OXCT1: variants seen among roughly 807,000 people sequenced by gnomAD.
The protein encoded by OXCT1 is 3-oxoacid CoA-transferase 1, also known as succinyl-CoA:3-ketoacid coenzyme A transferase 1, mitochondrial.
OXCT1 carries 27 observed loss-of-function variants against 69.6 expected under a neutral mutation model. The observed-to-expected ratio is 0.39, with a 90% CI of 0.29 to 0.54. OXCT1 has a LOEUF of 0.54. Ranked by LOEUF, OXCT1 falls within the 20% of genes least tolerant of loss-of-function variation. The probability of loss-of-function intolerance (pLI) is 0.72; values close to 1 mark genes in which losing one functional copy is unlikely to be tolerated. For synonymous variants in OXCT1, 202 were observed against 217.8 expected, an observed-to-expected ratio of 0.93 and a Z score of 0.64; for missense variants, 437 against 650.2, an observed-to-expected ratio of 0.67 and a Z score of 3.57.
At chr5:41,863,450 C>T (rs1307909825) in intron 1 of OXCT1, among the ~76,000 whole-genome samples, 2 of 152,220 alleles carry the variant, frequency 1.3e-5, no homozygotes, top group East Asian at 3.9e-4. Flanking sequence ...CAACATCTCA[C>T]CAACCCCTCA....
chr5:41,835,597 C>A (rs1748318870), intron 7 of OXCT1, among the ~76,000 whole-genome samples: 1 of 152,198 alleles, frequency 6.6e-6, no homozygotes, highest in East Asian at 1.9e-4. Context: ...AATTCTTTTA[C>A]AGGCAAACAT....
At chr5:41,854,524 A>G (rs1749336901) in intron 3 of OXCT1, among the ~76,000 whole-genome samples, 2 of 152,160 alleles carry the variant, frequency 1.3e-5, no homozygotes, top group South Asian at 4.1e-4. Flanking sequence ...ATTTTAACCA[A>G]CTAGAGAAAT....
chr5:41,759,090 GAA>G (rs71608623), intron 14 of OXCT1, among the ~76,000 whole-genome samples: 3 of 117,548 alleles, frequency 2.6e-5, no homozygotes, highest in African/African-American at 3.1e-5. Flanking sequence ...CAGGGAAAAT[GAA>G]AAAAAAAAAA....
At chr5:41,733,047 C>A (rs879497824) in intron 16 of OXCT1, among the ~76,000 whole-genome samples, 1 of 152,002 alleles carries the variant, frequency 6.6e-6, no homozygotes, top group Non-Finnish European at 1.5e-5. Flanking sequence ...TAAATGAGAA[C>A]GCATTATGAC....
intron 11 of OXCT1, among the ~76,000 whole-genome samples, chr5:41,798,985 A>T (rs1746304819): frequency 6.6e-6 from 1 of 152,216 alleles, no homozygotes; most frequent in Non-Finnish European, 1.5e-5. Context: ...TTTGTATAAC[A>T]AGGTTTCATT....
At position 41,842,752 on chromosome 5, in the gene OXCT1, A is replaced by T. The variant is rs778477146; in HGVS notation, c.594T>A (p.Ile198=). The T allele has an allele frequency of 1.2e-6, 2 of 1,613,572 alleles. No individual in the cohort carries two copies. Among genetic ancestry groups the T allele is most frequent in the Non-Finnish European group, 1.7e-6 (2 of 1,179,560 alleles). ...AATCCCCTGTAATTGCTTCCTCCAA[A>T]ATAAAGTGCTGACCATTGAACTCCC... is the stretch of plus-strand genomic sequence containing the variant. ...EVREFNGQHF[I]LEEAITGDFA... Residue 198 remains isoleucine (I), a synonymous_variant, in exon 6 of 17, where the codon ATT becomes ATA. Transcript: ENST00000196371.
chr5:41,821,458 A>G (rs1009773475), intron 7 of OXCT1, among the ~76,000 whole-genome samples: 6 of 152,242 alleles, frequency 3.9e-5, no homozygotes, highest in Non-Finnish European at 7.3e-5. Context: ...CAACCAACAT[A>G]GTGATTTAAT....
intron 15 of OXCT1, 60 bp from the exon 16 acceptor site, chr5:41,739,551 C>A (rs1165921197): frequency 7.8e-7 from 1 of 1,280,870 alleles, no homozygotes; most frequent in Non-Finnish European, 1.1e-6. Flanking sequence ...TATTATATGG[C>A]ACAAAACAGA....
At chr5:41,737,227 C>A (rs1360927647) in intron 16 of OXCT1, among the ~76,000 whole-genome samples, 2 of 152,090 alleles carry the variant, frequency 1.3e-5, no homozygotes, top group Non-Finnish European at 2.9e-5. Context: ...ATCTCAACAT[C>A]CTAATTTGGA....
rs1022113230 is a variant in OXCT1 at position 41,870,150 on chromosome 5, G to A, written c.78+131C>T. The stretch of plus-strand genomic sequence containing the variant: ...CGCGTCGCCGCGTGTCCGTGACCAG[G>A]GCACCGCGCCACGGATGCCAGATCC... On this transcript the variant is annotated intron_variant, in intron 1 of 16. Transcript: ENST00000196371. The surrounding 1 kb of genome is among the most constrained non-coding windows in gnomAD (Gnocchi z 4.2). 4 of 781,244 alleles carry A rather than the reference G, an allele frequency of 5.1e-6. No individual in the cohort carries two copies. The highest frequency in any genetic ancestry group is 8.9e-6 in the Non-Finnish European group (4 of 448,826). The allele number at this position is 781,244 out of a possible 1,614,324, so 48.4% of individuals were successfully genotyped here. A position where few individuals can be genotyped will look rare whatever the true frequency, so the allele number is the denominator to read the frequency against.
chr5:41,744,659 G>C (rs2112024333), intron 15 of OXCT1, among the ~76,000 whole-genome samples: 1 of 152,192 alleles, frequency 6.6e-6, no homozygotes, highest in East Asian at 1.9e-4. Flanking sequence ...AATTTATTGA[G>C]AGTTTTTAGC....
At chr5:41,843,357 T>G (rs1748738248) in intron 5 of OXCT1, among the ~76,000 whole-genome samples, 1 of 152,144 alleles carries the variant, frequency 6.6e-6, no homozygotes, top group Non-Finnish European at 1.5e-5. Flanking sequence ...CCTCCTTCAA[T>G]AGTTTTATTA....
At chr5:41,760,956 C>T (rs977672274) in intron 14 of OXCT1, among the ~76,000 whole-genome samples, 4 of 152,064 alleles carry the variant, frequency 2.6e-5, no homozygotes, top group Non-Finnish European at 4.4e-5. Flanking sequence ...CTTCTAGTTC[C>T]GTGCTTTAAC....
chr5:41,862,048 T>C (rs1351412382), intron 2 of OXCT1, among the ~76,000 whole-genome samples: 2 of 152,072 alleles, frequency 1.3e-5, no homozygotes, highest in African/African-American at 4.8e-5. Context: ...CCATCTCTAC[T>C]AAAAATACAA....
chr5:41,829,916 A>C (rs1251744496), intron 7 of OXCT1, among the ~76,000 whole-genome samples: 2 of 152,298 alleles, frequency 1.3e-5, no homozygotes, highest in East Asian at 3.9e-4. Context: ...ATGAAAATTC[A>C]AGGAAACGAA....
chr5:41,774,827 G>A (rs1410750672), intron 13 of OXCT1, among the ~76,000 whole-genome samples: 2 of 152,094 alleles, frequency 1.3e-5, no homozygotes, highest in Non-Finnish European at 2.9e-5. Flanking sequence ...CCCAGGAGGT[G>A]GAGGTTGCAG....
At chr5:41,817,279 C>G (rs563400134) in intron 7 of OXCT1, among the ~76,000 whole-genome samples, 1 of 152,258 alleles carries the variant, frequency 6.6e-6, no homozygotes, top group East Asian at 1.9e-4. Flanking sequence ...GATTTGAAGT[C>G]AGAAGACATC....
intron 6 of OXCT1, 31 bp from the exon 7 acceptor site, chr5:41,840,542 G>C: frequency 6.6e-7 from 1 of 1,507,612 alleles, no homozygotes; most frequent in South Asian, 1.1e-5. Context: ...AGAAAGTGGG[G>C]GGGAAAAGAC....
chr5:41,779,195 T>G (rs1056235638), intron 13 of OXCT1, among the ~76,000 whole-genome samples: 1 of 152,196 alleles, frequency 6.6e-6, no homozygotes, highest in African/African-American at 2.4e-5. Context: ...CATTACATAG[T>G]AGCATCTTTA....
Sources: allele counts gnomAD v4.1 joint callset (sites outside exome capture counted in the v4.1 genomes callset), GRCh38; gene constraint gnomAD v4.1.1; non-coding constraint Gnocchi (gnomAD v3.1); transcripts MANE v1.5; gene names NCBI Gene and HGNC (gene_info 2026-07-23, HGNC 2026-07-21).